DLG2: variants seen among roughly 807,000 people sequenced by gnomAD.
The protein encoded by DLG2 is discs large MAGUK scaffold protein 2, also known as disks large homolog 2.
Under a neutral mutation model 132.5 loss-of-function variants are expected in DLG2, and 45 were observed. The observed-to-expected ratio is 0.34, with a 90% confidence interval of 0.27 to 0.44. DLG2 has a LOEUF of 0.44. Among genes scored for constraint, DLG2 ranks in the 20% least tolerant of loss-of-function variants. DLG2 has a pLI of 1.00. For missense variants in DLG2, 1,045 were observed against 1,196.9 expected (o/e 0.87, Z 1.87); for synonymous variants, 424 against 419.6 (o/e 1.01, Z -0.13).
At chr11:83,929,927 G>C (rs2079827653) in intron 15 of DLG2, among the ~76,000 whole-genome samples, 2 of 152,126 alleles carry the variant, frequency 1.3e-5, no homozygotes, top group African/African-American at 4.8e-5. Flanking sequence ...CTTAGGCCAT[G>C]TTATGCCTGG....
chr11:84,806,788 T>G (rs1235223317), intron 6 of DLG2, among the ~76,000 whole-genome samples: 1 of 152,198 alleles, frequency 6.6e-6, no homozygotes, highest in African/African-American at 2.4e-5. Flanking sequence ...GCAAATACAG[T>G]AGATTTTCCT....
At chr11:84,628,798 A>G (rs2099627038) in intron 6 of DLG2, among the ~76,000 whole-genome samples, 1 of 152,212 alleles carries the variant, frequency 6.6e-6, no homozygotes, top group Non-Finnish European at 1.5e-5. Context: ...ACCTGAGGGC[A>G]AGGATTTTTA....
At chr11:85,005,638 G>A (rs986175149) in intron 6 of DLG2, among the ~76,000 whole-genome samples, 4 of 152,118 alleles carry the variant, frequency 2.6e-5, no homozygotes, top group Non-Finnish European at 4.4e-5. Context: ...CTGAGGTGAC[G>A]GGGTTTTCTA....
intron 3 of DLG2, among the ~76,000 whole-genome samples, chr11:85,550,835 G>A (rs753057018): frequency 6.6e-6 from 1 of 152,188 alleles, no homozygotes; most frequent in Non-Finnish European, 1.5e-5. Context: ...TCTAGAGCCT[G>A]TCATATTTAA....
intron 9 of DLG2, among the ~76,000 whole-genome samples, chr11:84,144,283 A>G (rs534382687): frequency 6.6e-6 from 1 of 152,060 alleles, no homozygotes; most frequent in African/African-American, 2.4e-5. Context: ...TCTTACCTTC[A>G]TTTATCTATT....
At chr11:85,556,829 AAGTTTATTCTCTCTTCT>A (rs2153222720) in intron 3 of DLG2, among the ~76,000 whole-genome samples, 1 of 151,946 alleles carries the variant, frequency 6.6e-6, no homozygotes, top group African/African-American at 2.4e-5. Flanking sequence ...GCCTCATACA[AAGTTTATTCTCTCTTCT>A]AGTTATCCAA....
intron 17 of DLG2, among the ~76,000 whole-genome samples, chr11:83,811,012 G>A (rs981144063): frequency 5.9e-5 from 9 of 152,074 alleles, no homozygotes; most frequent in Non-Finnish European, 1.2e-4. Flanking sequence ...TGGAGAAGTG[G>A]TTTATCTTCT....
At chr11:85,355,485 G>C (rs2152889747) in intron 3 of DLG2, among the ~76,000 whole-genome samples, 1 of 151,990 alleles carries the variant, frequency 6.6e-6, no homozygotes, top group Non-Finnish European at 1.5e-5. Context: ...ATTTTGATTA[G>C]TCAGTTGCTC....
At chr11:85,300,606 G>T (rs1043783235) in intron 3 of DLG2, among the ~76,000 whole-genome samples, 6 of 152,052 alleles carry the variant, frequency 3.9e-5, no homozygotes, top group African/African-American at 1.5e-4. Context: ...GAATCCTTGG[G>T]GATCCATGTA....
intron 6 of DLG2, among the ~76,000 whole-genome samples, chr11:84,674,221 A>G (rs1424229922): frequency 6.6e-6 from 1 of 152,132 alleles, no homozygotes; most frequent in Non-Finnish European, 1.5e-5. Flanking sequence ...AGTAAATTCT[A>G]CTAAGAAAAT....
At chr11:85,090,193 C>T (rs960289972) in intron 6 of DLG2, among the ~76,000 whole-genome samples, 72 of 152,124 alleles carry the variant, frequency 4.7e-4, no homozygotes, top group African/African-American at 1.7e-3. Context: ...TATATAAAAG[C>T]TGAGGGGATT....
At chr11:83,818,701 T>C (rs554507744) in intron 17 of DLG2, among the ~76,000 whole-genome samples, 42 of 152,260 alleles carry the variant, frequency 2.8e-4, no homozygotes, top group African/African-American at 1.0e-3. Flanking sequence ...AAGCTATATA[T>C]ATTTTTTCCT....
chr11:83,928,675 C>T (rs543730603), intron 15 of DLG2, among the ~76,000 whole-genome samples: 2 of 152,208 alleles, frequency 1.3e-5, no homozygotes, highest in African/African-American at 4.8e-5. Flanking sequence ...CCAGCTGTCA[C>T]TTACTAATGG....
chr11:85,426,280 T>C (rs1203589102), intron 3 of DLG2, among the ~76,000 whole-genome samples: 1 of 152,164 alleles, frequency 6.6e-6, no homozygotes. Context: ...AAGAGAGTAG[T>C]GGTTCTCCCA....
intron 18 of DLG2, among the ~76,000 whole-genome samples, chr11:83,733,202 C>G (rs570361854): frequency 5.3e-5 from 7 of 132,844 alleles, no homozygotes; most frequent in Admixed American, 3.3e-4. Context: ...GATCATGCCA[C>G]TGCACTCCAG....
intron 3 of DLG2, among the ~76,000 whole-genome samples, chr11:85,504,757 T>G (rs1159489043): frequency 6.6e-6 from 1 of 152,118 alleles, no homozygotes; most frequent in Admixed American, 6.6e-5. Context: ...AAGAAAGTCA[T>G]TGGTAGCTTG....
intron 8 of DLG2, among the ~76,000 whole-genome samples, chr11:84,170,082 C>A (rs2095786375): frequency 6.6e-6 from 1 of 152,064 alleles, no homozygotes; most frequent in African/African-American, 2.4e-5. Context: ...TACCCTTGTA[C>A]CTTCTGACAC....
At chr11:84,261,825 C>T (rs1197213921) in intron 7 of DLG2, among the ~76,000 whole-genome samples, 2 of 152,070 alleles carry the variant, frequency 1.3e-5, no homozygotes, top group Non-Finnish European at 2.9e-5. Context: ...ATAGGAGTTA[C>T]AATTCATGAG....
At chr11:84,721,485 A>C (rs939402133) in intron 6 of DLG2, among the ~76,000 whole-genome samples, 5 of 151,616 alleles carry the variant, frequency 3.3e-5, no homozygotes, top group Admixed American at 2.0e-4. Flanking sequence ...AGACTGATGG[A>C]TGTTTTATTG....
Sources: allele counts gnomAD v4.1 joint callset (sites outside exome capture counted in the v4.1 genomes callset), GRCh38; gene constraint gnomAD v4.1.1; transcripts MANE v1.5; gene names NCBI Gene and HGNC (gene_info 2026-07-23, HGNC 2026-07-21).